The following GALNT13 variants were observed in gnomAD, a reference collection of about 807,000 sequenced individuals.
The protein encoded by GALNT13 is polypeptide N-acetylgalactosaminyltransferase 13.
A neutral mutation model predicts 64.2 loss-of-function variants in GALNT13; 28 were observed. That is an observed-to-expected ratio of 0.44 (90% CI 0.32 to 0.60). The LOEUF is 0.60. Ranked by LOEUF, GALNT13 falls within the 20% of genes least tolerant of loss-of-function variation. The pLI is 0.05. For synonymous variants in GALNT13, 214 were observed against 224.6 expected, an observed-to-expected ratio of 0.95 and a Z score of 0.42; for missense variants, 577 against 669.8, an observed-to-expected ratio of 0.86 and a Z score of 1.53.
At chr2:153,912,494 G>C (rs1389362648) in intron 2 of GALNT13, among the ~76,000 whole-genome samples, 2 of 152,042 alleles carry the variant, frequency 1.3e-5, no homozygotes, top group Admixed American at 6.5e-5. Flanking sequence ...CTTTTTTTGA[G>C]CTGTCAGAGT....
rs1471660954 is a variant in GALNT13 at position 154,451,934 on chromosome 2, C to T, written c.*1383C>T. 2 of 152,092 alleles carry T rather than the reference C, an allele frequency of 1.3e-5. No individual in the cohort carries two copies. The highest frequency in any genetic ancestry group is 2.9e-5 in the Non-Finnish European group (2 of 67,996). The allele number at this position is 152,092 out of a possible 1,614,324, so 9.4% of individuals were successfully genotyped here. A position where few individuals can be genotyped will look rare whatever the true frequency, so the allele number is the denominator to read the frequency against. On this transcript the variant is annotated 3_prime_UTR_variant, in exon 13 of 13. Coordinates refer to ENST00000392825, the MANE Select transcript of GALNT13 (RefSeq NM_052917.4). Reference sequence around the variant, plus strand: ...AAGATTCCACTTCTTTGGTCCTCATCTTTACTTAAAAAGCTCTTATAGAAA... The same window carrying T: ...AAGATTCCACTTCTTTGGTCCTCATTTTTACTTAAAAAGCTCTTATAGAAA...
At chr2:153,446,750 A>T in the GALNT13 span, 3 of 152,176 alleles carry the variant, frequency 2.0e-5, no homozygotes, top group East Asian at 1.9e-4. Flanking sequence ...GAACCCAGTA[A>T]TAGGTCATGG....
At chr2:154,164,583 A>G (rs1684918266) in intron 4 of GALNT13, among the ~76,000 whole-genome samples, 1 of 152,128 alleles carries the variant, frequency 6.6e-6, no homozygotes, top group South Asian at 2.1e-4. Context: ...CAGGAGAACA[A>G]ACTCTGTTGA....
the GALNT13 span, among the ~76,000 whole-genome samples, chr2:153,732,243 C>T: frequency 6.6e-6 from 1 of 152,034 alleles, no homozygotes; most frequent in East Asian, 1.9e-4. Context: ...ATGGGTCTCA[C>T]AGAAAACAAA....
chr2:153,589,727 C>T, the GALNT13 span, among the ~76,000 whole-genome samples: 4 of 152,180 alleles, frequency 2.6e-5, no homozygotes, highest in Admixed American at 2.0e-4. Flanking sequence ...CAGGGGAACT[C>T]TGCTTTATAA....
At chr2:153,140,822 T>C in the GALNT13 span, among the ~76,000 whole-genome samples, 1 of 152,184 alleles carries the variant, frequency 6.6e-6, no homozygotes, top group East Asian at 1.9e-4. Context: ...ATTCATTGAA[T>C]ACCTAAGGTG....
the GALNT13 span, among the ~76,000 whole-genome samples, chr2:153,553,408 G>A: frequency 6.6e-6 from 1 of 152,050 alleles, no homozygotes; most frequent in Non-Finnish European, 1.5e-5. Context: ...AGGCTGAGGT[G>A]GGAGGATTGC....
At chr2:153,340,379 G>A in the GALNT13 span, among the ~76,000 whole-genome samples, 123 of 148,490 alleles carry the variant, frequency 8.3e-4, no homozygotes, top group African/African-American at 3.0e-3. Flanking sequence ...AGAGTTGGCC[G>A]GGCAAGGTGG....
At chr2:153,624,997 A>C in the GALNT13 span, among the ~76,000 whole-genome samples, 1 of 152,080 alleles carries the variant, frequency 6.6e-6, no homozygotes, top group Non-Finnish European at 1.5e-5. Flanking sequence ...GAGAAGACTG[A>C]GGTCAGAATA....
the GALNT13 span, among the ~76,000 whole-genome samples, chr2:153,115,227 G>C: frequency 6.6e-6 from 1 of 152,080 alleles, no homozygotes; most frequent in Non-Finnish European, 1.5e-5. Context: ...TTTTCATTTT[G>C]TCTGCTCCAT....
the GALNT13 span, among the ~76,000 whole-genome samples, chr2:153,415,894 TA>T: frequency 2.6e-5 from 4 of 152,196 alleles, no homozygotes; most frequent in Middle Eastern, 3.2e-3. Flanking sequence ...AAGAATTAAG[TA>T]AATGTTGTTT....
At chr2:153,791,915 G>C in the GALNT13 span, among the ~76,000 whole-genome samples, 8 of 152,038 alleles carry the variant, frequency 5.3e-5, no homozygotes, top group African/African-American at 1.9e-4. Context: ...CATACTTGAG[G>C]GTGGAAGGTG....
At chr2:154,291,354 T>C (rs1338173227) in intron 8 of GALNT13, among the ~76,000 whole-genome samples, 3 of 151,892 alleles carry the variant, frequency 2.0e-5, no homozygotes, top group Admixed American at 2.0e-4. Context: ...AGACACAGAG[T>C]GCTGATTGGT....
the GALNT13 span, among the ~76,000 whole-genome samples, chr2:153,082,602 TATATATATATATATATACACAC>T: frequency 5.1e-4 from 23 of 45,520 alleles, no homozygotes; most frequent in Non-Finnish European, 7.5e-4. Context: ...TATATATATA[TATATATATATATATATACACAC>T]ACACACACAC....
the GALNT13 span, among the ~76,000 whole-genome samples, chr2:153,556,361 G>GA: frequency 1.3e-5 from 2 of 152,064 alleles, no homozygotes; most frequent in Admixed American, 6.5e-5. Flanking sequence ...TTACACATCA[G>GA]AAAAAAATCT....
the GALNT13 span, among the ~76,000 whole-genome samples, chr2:153,744,933 G>T: frequency 7.2e-5 from 11 of 152,292 alleles, no homozygotes; most frequent in East Asian, 1.9e-4. Flanking sequence ...GGACACGAAG[G>T]CCTGGTGAGG....
At chr2:153,222,307 T>TGGGGGGGGGGGGGGGG in the GALNT13 span, among the ~76,000 whole-genome samples, 6 of 6,316 alleles carry the variant, frequency 9.5e-4, no homozygotes, top group Non-Finnish European at 2.3e-3. Context: ...TGAGTCTGGC[T>TGGGGGGGGGGGGGGGG]GGGGGGGGGG....
At chr2:153,927,917 G>A (rs1427613605) in intron 2 of GALNT13, among the ~76,000 whole-genome samples, 1 of 152,018 alleles carries the variant, frequency 6.6e-6, no homozygotes, top group African/African-American at 2.4e-5. Flanking sequence ...TTATTCCATG[G>A]ATAAGATGTT....
chr2:154,298,064 C>G (rs545542284), intron 8 of GALNT13, among the ~76,000 whole-genome samples: 1 of 152,024 alleles, frequency 6.6e-6, no homozygotes, highest in Non-Finnish European at 1.5e-5. Flanking sequence ...AGATTGTTGG[C>G]ATGCAGGTCC....
Sources: allele counts gnomAD v4.1 joint callset (sites outside exome capture counted in the v4.1 genomes callset), GRCh38; gene constraint gnomAD v4.1.1; transcripts MANE v1.5; gene names NCBI Gene and HGNC (gene_info 2026-07-23, HGNC 2026-07-21).